COP1: variants seen among roughly 807,000 people sequenced by gnomAD.
COP1 encodes COP1 E3 ubiquitin ligase.
In COP1, 24 loss-of-function variants were observed where a neutral mutation model predicts 101.3. The observed-to-expected ratio is 0.24, with a 90% CI of 0.17 to 0.33. The LOEUF (loss-of-function observed/expected upper bound fraction) is 0.33, where lower values mean the gene tolerates loss of function less well. COP1 is among the 10% of genes least tolerant of loss of function. The probability of loss-of-function intolerance (pLI) is 1.00; values close to 1 mark genes in which losing one functional copy is unlikely to be tolerated. For synonymous variants in COP1, 347 were observed against 341.9 expected (o/e 1.01, Z -0.17); for missense variants, 663 against 906.2 (o/e 0.73, Z 3.45).
intron 10 of COP1, among the ~76,000 whole-genome samples, chr1:176,081,549 C>T (rs1445373956): frequency 2.0e-5 from 3 of 151,132 alleles, no homozygotes; most frequent in Admixed American, 6.6e-5. Context: ...AAAATAATAA[C>T]AATAATAATA....
At chr1:176,124,706 T>C (rs919160948) in intron 8 of COP1, among the ~76,000 whole-genome samples, 4 of 152,234 alleles carry the variant, frequency 2.6e-5, no homozygotes, top group Admixed American at 2.0e-4. Flanking sequence ...ATCTTGGCTA[T>C]TGTGAACAGT....
At chr1:176,168,608 T>C (rs929934986) in intron 3 of COP1, 7 of 198,138 alleles carry the variant, frequency 3.5e-5, no homozygotes, top group African/African-American at 1.7e-4. Context: ...CTGCAGAGTA[T>C]ATAGGGAGTG....
chr1:175,986,693 A>AT (rs534766754), intron 18 of COP1, among the ~76,000 whole-genome samples: 9 of 152,196 alleles, frequency 5.9e-5, no homozygotes, highest in Non-Finnish European at 1.2e-4. Flanking sequence ...ACAATATGAT[A>AT]ATGGTTATAA....
intron 15 of COP1, among the ~76,000 whole-genome samples, chr1:176,008,282 A>T (rs1395593099): frequency 1.3e-5 from 2 of 152,138 alleles, no homozygotes; most frequent in Non-Finnish European, 2.9e-5. Flanking sequence ...CCTCAGATGG[A>T]AATGCAGAAA....
intron 9 of COP1, among the ~76,000 whole-genome samples, chr1:176,098,135 C>T (rs549039944): frequency 2.6e-4 from 39 of 152,138 alleles, no homozygotes; most frequent in East Asian, 7.7e-4. Context: ...TTTTTGAGAA[C>T]GATCTAACTT....
At chr1:175,966,537 C>T (rs1652062212) in intron 18 of COP1, among the ~76,000 whole-genome samples, 1 of 152,182 alleles carries the variant, frequency 6.6e-6, no homozygotes, top group Admixed American at 6.5e-5. Context: ...CAGGAATCAA[C>T]TTGTGAAAAC....
intron 18 of COP1, among the ~76,000 whole-genome samples, chr1:175,984,391 A>G (rs763009518): frequency 1.2e-4 from 19 of 152,212 alleles, no homozygotes; most frequent in Non-Finnish European, 2.6e-4. Context: ...GCACAGAAAT[A>G]AAGAACTGAG....
chr1:176,063,828 C>A (rs1675419762), intron 11 of COP1, among the ~76,000 whole-genome samples: 1 of 152,088 alleles, frequency 6.6e-6, no homozygotes, highest in Non-Finnish European at 1.5e-5. Context: ...GTAAATAAAA[C>A]CTGTAGCTCT....
chr1:176,167,443 T>A (rs185210125), intron 3 of COP1, among the ~76,000 whole-genome samples: 2 of 149,096 alleles, frequency 1.3e-5, no homozygotes. Context: ...AATGAATGAA[T>A]GAAATCTTGA....
At chr1:176,016,362 G>A (rs1424091985) in intron 15 of COP1, among the ~76,000 whole-genome samples, 5 of 152,278 alleles carry the variant, frequency 3.3e-5, no homozygotes, top group East Asian at 3.9e-4. Context: ...GAATCCAAGC[G>A]AGGAAAGTTT....
At chr1:176,070,125 A>G (rs1460890036) in intron 11 of COP1, among the ~76,000 whole-genome samples, 1 of 152,060 alleles carries the variant, frequency 6.6e-6, no homozygotes, top group East Asian at 1.9e-4. Context: ...CAGTATCCCC[A>G]TCTCTGTAAA....
chr1:176,084,404 T>A (rs921226756), intron 10 of COP1, among the ~76,000 whole-genome samples: 4 of 152,138 alleles, frequency 2.6e-5, no homozygotes, highest in African/African-American at 9.7e-5. Flanking sequence ...GAAGAATCAA[T>A]ACTGTGAAAA....
At chr1:176,001,910 T>A (rs779377331) in intron 15 of COP1, among the ~76,000 whole-genome samples, 4 of 152,116 alleles carry the variant, frequency 2.6e-5, no homozygotes, top group African/African-American at 7.2e-5. Flanking sequence ...TTTAAACATA[T>A]CCTACTGCCT....
chr1:176,051,016 T>C (rs1024485697), intron 11 of COP1, among the ~76,000 whole-genome samples: 15 of 152,050 alleles, frequency 9.9e-5, no homozygotes, highest in Non-Finnish European at 2.1e-4. Context: ...ATAGTGATAA[T>C]AACACATAAT....
intron 18 of COP1, among the ~76,000 whole-genome samples, chr1:175,950,214 TA>T (rs55821760): frequency 0.16 from 22,867 of 144,692 alleles, 1,812 homozygotes; most frequent in Admixed American, 0.21. Context: ...CTTTATGTGT[TA>T]AAAAAAAAAA....
At chr1:176,151,369 G>GAAAGAAAGAAAAATAAAGAAAGAAAAAGA (rs1692504628) in intron 5 of COP1, among the ~76,000 whole-genome samples, 1 of 95,446 alleles carries the variant, frequency 1.0e-5, no homozygotes, top group African/African-American at 3.0e-5. Context: ...AAGAAAGAAA[G>GAAAGAAAGAAAAATAAAGAAAGAAAAAGA]AAAGAAAGAA....
intron 9 of COP1, among the ~76,000 whole-genome samples, chr1:176,110,042 G>A (rs1685008281): frequency 6.6e-6 from 1 of 151,952 alleles, no homozygotes; most frequent in Non-Finnish European, 1.5e-5. Context: ...TAACACACAG[G>A]TACTCAGAGG....
chr1:176,003,345 T>C (rs1278474264), intron 15 of COP1, among the ~76,000 whole-genome samples: 1 of 152,166 alleles, frequency 6.6e-6, no homozygotes, highest in East Asian at 1.9e-4. Context: ...GCAGAAGCTC[T>C]TTAGTTTAAT....
chr1:175,994,778 TC>T (rs1659665923), intron 15 of COP1, among the ~76,000 whole-genome samples: 1 of 152,098 alleles, frequency 6.6e-6, no homozygotes, highest in Non-Finnish European at 1.5e-5. Context: ...AGACTTAGAC[TC>T]CCACACAATA....
Sources: gnomAD v4.1 joint callset for allele counts (sites outside exome capture counted in the v4.1 genomes callset) on GRCh38, gnomAD v4.1.1 for gene constraint, MANE v1.5 for transcripts, NCBI Gene and HGNC (gene_info 2026-07-23, HGNC 2026-07-21) for gene names.